NDUFS4: variants seen among roughly 807,000 people sequenced by gnomAD.
NDUFS4 encodes the protein NADH dehydrogenase [ubiquinone] iron-sulfur protein 4, mitochondrial.
NDUFS4 carries 28 observed loss-of-function variants against 24.3 expected under a neutral mutation model. The ratio of observed to expected loss-of-function variants is 1.15; its 90% CI spans 0.85 to 1.58. The LOEUF (loss-of-function observed/expected upper bound fraction) is 1.58. NDUFS4 is among the 40% of genes most tolerant of loss of function. The probability of loss-of-function intolerance (pLI) is 0.00; values close to 1 mark genes in which losing one functional copy is unlikely to be tolerated. For synonymous variants in NDUFS4, 93 were observed against 69.7 expected, an observed-to-expected ratio of 1.34 and a Z score of -1.67; for missense variants, 223 against 207.9, an observed-to-expected ratio of 1.07 and a Z score of -0.45.
chr5:53,588,740 T>G (rs1051305976), intron 1 of NDUFS4, among the ~76,000 whole-genome samples: 4 of 152,216 alleles, frequency 2.6e-5, no homozygotes, highest in Non-Finnish European at 5.9e-5. Flanking sequence ...GTATGCAACT[T>G]GTACCAACTA....
chr5:53,564,819 C>T (rs944667236), intron 1 of NDUFS4, among the ~76,000 whole-genome samples: 5 of 152,156 alleles, frequency 3.3e-5, no homozygotes, highest in African/African-American at 9.7e-5. Flanking sequence ...CATGAGCCAC[C>T]GTATCCAGCC....
At chr5:53,626,913 T>A (rs1190259910) in intron 2 of NDUFS4, among the ~76,000 whole-genome samples, 1 of 152,224 alleles carries the variant, frequency 6.6e-6, no homozygotes, top group Non-Finnish European at 1.5e-5. Context: ...TATTTTGACT[T>A]TTGTTACAAT....
At chr5:53,670,582 G>A (rs1177338830) in intron 4 of NDUFS4, among the ~76,000 whole-genome samples, 1 of 150,796 alleles carries the variant, frequency 6.6e-6, no homozygotes, top group Middle Eastern at 3.3e-3. Context: ...TATTTCTACT[G>A]AACAGCACTG....
intron 4 of NDUFS4, among the ~76,000 whole-genome samples, chr5:53,680,138 C>A (rs1306434860): frequency 1.3e-5 from 2 of 150,658 alleles, no homozygotes; most frequent in African/African-American, 4.9e-5. Flanking sequence ...ACTTATTAGC[C>A]CTGTGACCTT....
intron 2 of NDUFS4, among the ~76,000 whole-genome samples, chr5:53,621,082 T>C (rs191481793): frequency 2.8e-4 from 43 of 152,366 alleles, no homozygotes; most frequent in African/African-American, 9.9e-4. Flanking sequence ...TTCCTGTGTG[T>C]GTTGGATCAC....
chr5:53,658,791 A>AG, intron 4 of NDUFS4, 167 bp downstream of exon 4: 2 of 581,736 alleles, frequency 3.4e-6, no homozygotes, highest in Non-Finnish European at 6.0e-6. Context: ...CTCCAAAAAA[A>AG]AAAAAAAAAA....
At chr5:53,653,879 G>A (rs551102030) in intron 3 of NDUFS4, among the ~76,000 whole-genome samples, 3 of 152,036 alleles carry the variant, frequency 2.0e-5, no homozygotes, top group African/African-American at 4.8e-5. Context: ...TTTTCTAGTT[G>A]AGTATTGCTA....
intron 1 of NDUFS4, among the ~76,000 whole-genome samples, chr5:53,586,333 A>AG (rs1749752951): frequency 6.6e-6 from 1 of 151,570 alleles, no homozygotes; most frequent in African/African-American, 2.4e-5. Flanking sequence ...TCATCTCAAA[A>AG]AAAAAAAAAA....
intron 1 of NDUFS4, chr5:53,573,468 A>G: frequency 3.1e-6 from 1 of 320,438 alleles, no homozygotes; most frequent in Non-Finnish European, 6.0e-6. Context: ...TTATTTATTT[A>G]TCTAATCAGT....
chr5:53,653,284 C>T (rs1161215202), intron 3 of NDUFS4, among the ~76,000 whole-genome samples: 5 of 152,070 alleles, frequency 3.3e-5, no homozygotes, highest in South Asian at 2.1e-4. Context: ...GTAGATGTTG[C>T]GAATTCTCTC....
At chr5:53,593,399 C>T (rs1455063859) in intron 1 of NDUFS4, among the ~76,000 whole-genome samples, 1 of 149,792 alleles carries the variant, frequency 6.7e-6, no homozygotes, top group East Asian at 2.0e-4. Flanking sequence ...TATATTAGGG[C>T]TTTGTCTCTC....
intron 2 of NDUFS4, among the ~76,000 whole-genome samples, chr5:53,632,710 G>T (rs532849386): frequency 4.5e-4 from 69 of 152,186 alleles, no homozygotes; most frequent in African/African-American, 1.6e-3. Context: ...TTCTTTCAGG[G>T]AACACAGTGC....
intron 4 of NDUFS4, among the ~76,000 whole-genome samples, chr5:53,662,932 C>T (rs558713334): frequency 3.0e-4 from 46 of 152,128 alleles, no homozygotes; most frequent in African/African-American, 1.1e-3. Context: ...AATTTTAGAT[C>T]TTTCCTGCTT....
chr5:53,596,665 G>A (rs553598765), intron 1 of NDUFS4, among the ~76,000 whole-genome samples: 4 of 152,196 alleles, frequency 2.6e-5, no homozygotes, highest in Non-Finnish European at 5.9e-5. Context: ...GTGGCATGGA[G>A]AATATGTATA....
chr5:53,571,027 T>A (rs1029237286), intron 1 of NDUFS4, among the ~76,000 whole-genome samples: 2 of 152,172 alleles, frequency 1.3e-5, no homozygotes, highest in African/African-American at 4.8e-5. Context: ...TAATGGTATT[T>A]CATTACGGAT....
At chr5:53,621,794 C>T (rs924078184) in intron 2 of NDUFS4, among the ~76,000 whole-genome samples, 8 of 147,964 alleles carry the variant, frequency 5.4e-5, no homozygotes, top group East Asian at 2.0e-4. Flanking sequence ...CTCCGCCTCC[C>T]GGGTTCACGC....
At chr5:53,667,476 ACT>A (rs1248865551) in intron 4 of NDUFS4, among the ~76,000 whole-genome samples, 81 of 118,202 alleles carry the variant, frequency 6.9e-4, no homozygotes, top group African/African-American at 2.7e-3. Context: ...AAGAGCAAAA[ACT>A]CTGTCTCCAA....
chr5:53,580,515 T>C (rs1173512186), intron 1 of NDUFS4, among the ~76,000 whole-genome samples: 2 of 152,246 alleles, frequency 1.3e-5, no homozygotes, highest in African/African-American at 4.8e-5. Context: ...ATTCTGTATC[T>C]TTTCCATGAA....
intron 1 of NDUFS4, among the ~76,000 whole-genome samples, chr5:53,575,698 T>C (rs1293514179): frequency 6.6e-6 from 1 of 151,856 alleles, no homozygotes; most frequent in Non-Finnish European, 1.5e-5. Flanking sequence ...TGCACCACCA[T>C]GTCTGGCTAA....
Sources: gnomAD v4.1 joint callset for allele counts (sites outside exome capture counted in the v4.1 genomes callset) on GRCh38, gnomAD v4.1.1 for gene constraint, MANE v1.5 for transcripts, NCBI Gene and HGNC (gene_info 2026-07-23, HGNC 2026-07-21) for gene names.